Variants in GRM1 observed in about 807,000 individuals in gnomAD.
GRM1 encodes the protein glutamate metabotropic receptor 1.
In GRM1, 33 loss-of-function variants were observed where a neutral mutation model predicts 90.9. The observed-to-expected ratio is 0.36, with a 90% CI of 0.28 to 0.49. The LOEUF is 0.49. GRM1 is among the 20% of genes least tolerant of loss of function. The pLI is 0.99. For synonymous variants in GRM1, 700 were observed against 613.2 expected, an observed-to-expected ratio of 1.14 and a Z score of -2.09; for missense variants, 1,190 against 1,534.3, an observed-to-expected ratio of 0.78 and a Z score of 3.75.
At chr6:146,060,774 G>A (rs1214629647) in intron 1 of GRM1, among the ~76,000 whole-genome samples, 3 of 152,070 alleles carry the variant, frequency 2.0e-5, no homozygotes, top group African/African-American at 7.2e-5. Flanking sequence ...TCAGTAATGG[G>A]GCAGCTGGGT....
intron 2 of GRM1, among the ~76,000 whole-genome samples, chr6:146,225,795 T>C (rs1200430925): frequency 6.6e-6 from 1 of 152,156 alleles, no homozygotes; most frequent in Non-Finnish European, 1.5e-5. Context: ...ATAGAAATTT[T>C]ATGTAATTAA....
chr6:146,165,511 A>G (rs1777875245), intron 2 of GRM1, among the ~76,000 whole-genome samples: 1 of 152,132 alleles, frequency 6.6e-6, no homozygotes, highest in African/African-American at 2.4e-5. Context: ...CCAAAAATGG[A>G]TTATAATCAG....
chr6:146,328,677 C>T (rs1784481448), intron 3 of GRM1, among the ~76,000 whole-genome samples: 2 of 152,266 alleles, frequency 1.3e-5, no homozygotes, highest in East Asian at 1.9e-4. Flanking sequence ...ACAATTAGAA[C>T]CATGTGCCCT....
At chr6:146,254,310 T>A (rs1229705531) in intron 2 of GRM1, among the ~76,000 whole-genome samples, 1 of 152,146 alleles carries the variant, frequency 6.6e-6, no homozygotes, top group East Asian at 1.9e-4. Context: ...AATTGGCAGA[T>A]TTGACCCCTT....
intron 2 of GRM1, 137 bp downstream of exon 2, chr6:146,159,734 TGCTGA>T: frequency 1.3e-6 from 1 of 759,888 alleles, no homozygotes; most frequent in Non-Finnish European, 2.2e-6. Context: ...AGATGTGCAG[TGCTGA>T]GCTGAACATT....
At chr6:146,293,927 T>C (rs1279164613) in intron 2 of GRM1, among the ~76,000 whole-genome samples, 1 of 151,660 alleles carries the variant, frequency 6.6e-6, no homozygotes, top group Non-Finnish European at 1.5e-5. Context: ...AAAAAAAATT[T>C]ATCCTGTATC....
chr6:146,029,360 G>C lies in GRM1; in HGVS notation c.-158G>C, dbSNP rs1790623389. 1 of 699,526 alleles carries C rather than the reference G, an allele frequency of 1.4e-6. No individual in the cohort carries two copies. The highest frequency in any genetic ancestry group is 1.8e-5 in the African/African-American group (1 of 56,670). The allele number at this position is 699,526 out of a possible 1,614,324, so 43.3% of individuals were successfully genotyped here. ...AGGAGGAGACGAAGGGGAAGGAGGC[G>C]GTGGTGGAGGAGGCAAAGGCCTTGG... On this transcript the variant is annotated 5_prime_UTR_variant, in exon 1 of 8. Transcript: ENST00000282753.
intron 2 of GRM1, among the ~76,000 whole-genome samples, chr6:146,174,629 A>T (rs1028933812): frequency 6.6e-6 from 1 of 152,168 alleles, no homozygotes; most frequent in African/African-American, 2.4e-5. Context: ...TAAGCTTATA[A>T]TTTCCGAAAG....
rs1270366927 is a variant in GRM1 at position 146,270,944 on chromosome 6, CCTTCCTTCCTTT to C, written c.951-33663_951-33652del. ...TCCTTCCTTCCTTCCTTCCTTCCTT[CCTTCCTTCCTTT>C]CTTTCTTTCTTTTTTTTTTCTCTCT... On this transcript the variant is annotated intron_variant, in intron 2 of 7. Transcript: ENST00000282753. Among the ~76,000 whole-genome samples, 1,060 of 127,296 alleles carry C rather than the reference CCTTCCTTCCTTT, an allele frequency of 8.3e-3. 38 individuals are homozygous for C. The highest frequency in any genetic ancestry group is 0.031 in the African/African-American group (885 of 28,578). 83.5% of individuals were successfully genotyped at this position (127,296 alleles called of 152,430 possible). A position where few individuals can be genotyped will look rare whatever the true frequency, so the allele number is the denominator to read the frequency against.
At chr6:146,407,927 T>TC (rs1777407586) in intron 7 of GRM1, among the ~76,000 whole-genome samples, 1 of 152,206 alleles carries the variant, frequency 6.6e-6, no homozygotes, top group Non-Finnish European at 1.5e-5. Flanking sequence ...ATGTGGTGAC[T>TC]CATGTGAATG....
chr6:146,128,328 G>A (rs538469115), intron 1 of GRM1, among the ~76,000 whole-genome samples: 1 of 152,234 alleles, frequency 6.6e-6, no homozygotes, highest in Admixed American at 6.5e-5. Flanking sequence ...AATAGGATAT[G>A]TTTATCAAGA....
At chr6:146,389,200 C>G (rs998138896) in intron 6 of GRM1, among the ~76,000 whole-genome samples, 1 of 151,980 alleles carries the variant, frequency 6.6e-6, no homozygotes, top group African/African-American at 2.4e-5. Flanking sequence ...TGACTGAGAT[C>G]ACAGCTGACT....
intron 1 of GRM1, among the ~76,000 whole-genome samples, chr6:146,071,693 G>A (rs553920699): frequency 1.3e-5 from 2 of 152,264 alleles, no homozygotes; most frequent in Admixed American, 6.5e-5. Flanking sequence ...GGGATGGGAA[G>A]GAAGGGAGAC....
intron 1 of GRM1, among the ~76,000 whole-genome samples, chr6:146,083,988 C>G (rs1414253881): frequency 6.6e-6 from 1 of 152,144 alleles, no homozygotes; most frequent in East Asian, 1.9e-4. Context: ...AGGAATTTAT[C>G]CATTTCTTCT....
chr6:146,163,078 A>AT (rs1024200806), intron 2 of GRM1, among the ~76,000 whole-genome samples: 8 of 152,118 alleles, frequency 5.3e-5, no homozygotes, highest in Admixed American at 6.5e-5. Flanking sequence ...GGGCTGATCA[A>AT]TTTCTTCACC....
At chr6:146,289,824 A>G (rs557728457) in intron 2 of GRM1, among the ~76,000 whole-genome samples, 1 of 152,364 alleles carries the variant, frequency 6.6e-6, no homozygotes, top group East Asian at 1.9e-4. Context: ...ACAATAGGCC[A>G]TGTATATACA....
At chr6:146,186,502 C>T (rs1367909995) in intron 2 of GRM1, among the ~76,000 whole-genome samples, 1 of 152,126 alleles carries the variant, frequency 6.6e-6, no homozygotes, top group East Asian at 1.9e-4. Context: ...CCAATAGCTA[C>T]CTACACAACA....
chr6:146,355,076 A>T (rs1785536705), intron 4 of GRM1, among the ~76,000 whole-genome samples: 1 of 152,244 alleles, frequency 6.6e-6, no homozygotes, highest in African/African-American at 2.4e-5. Flanking sequence ...AAGGAAAAAG[A>T]CATTCTAGAG....
intron 2 of GRM1, among the ~76,000 whole-genome samples, chr6:146,231,355 G>A (rs1188104089): frequency 3.3e-5 from 5 of 152,040 alleles, no homozygotes; most frequent in Admixed American, 3.3e-4. Context: ...GGATTTAAGG[G>A]CAACACTTTA....
Sources: allele counts gnomAD v4.1 joint callset (sites outside exome capture counted in the v4.1 genomes callset), GRCh38; gene constraint gnomAD v4.1.1; transcripts MANE v1.5; gene names NCBI Gene and HGNC (gene_info 2026-07-23, HGNC 2026-07-21).